Variants in MTR observed in about 807,000 individuals in gnomAD.
MTR encodes 5-methyltetrahydrofolate-homocysteine methyltransferase.
A neutral mutation model predicts 154.8 loss-of-function variants in MTR; 84 were observed. The observed-to-expected ratio is 0.54, with a 90% CI of 0.45 to 0.65. The LOEUF (loss-of-function observed/expected upper bound fraction) is 0.65. MTR is among the 30% of genes least tolerant of loss of function. The probability of loss-of-function intolerance (pLI) is 0.00; values close to 1 mark genes in which losing one functional copy is unlikely to be tolerated. For missense variants in MTR, 1,275 were observed against 1,570.2 expected, an observed-to-expected ratio of 0.81 and a Z score of 3.18; for synonymous variants, 554 against 553.9, an observed-to-expected ratio of 1.00 and a Z score of 0.00.
chr1:236,848,616 A>G (rs529607024), intron 15 of MTR, among the ~76,000 whole-genome samples: 1 of 152,126 alleles, frequency 6.6e-6, no homozygotes, highest in Non-Finnish European at 1.5e-5. Flanking sequence ...AGAAAATTCC[A>G]TTAAGGAAGA....
Position 236,885,214 on chromosome 1 carries a change from C to T in MTR, c.2770C>T (p.Leu924Phe), listed in dbSNP as rs774131379. The T allele has an allele frequency of 6.4e-7, 1 of 1,572,852 alleles. No homozygotes were observed. The highest frequency in any genetic ancestry group is 8.7e-7 in the Non-Finnish European group (1 of 1,142,868). The change falls in exon 26 of 33, where the codon CTC becomes TTC. Residue 924 changes from leucine (L) to phenylalanine (F), a missense_variant. Coordinates refer to ENST00000366577, the MANE Select transcript of MTR (RefSeq NM_000254.3). ...EDIRQDHYESLKERRYLPLSQ... is the reference protein window; with the variant it reads ...EDIRQDHYESFKERRYLPLSQ... Reference sequence around the variant, plus strand: ...TATTAGACAGGACCATTATGAGTCTCTCAAGGTAAGTGGTAGAAACAGATT... The same window carrying T: ...TATTAGACAGGACCATTATGAGTCTTTCAAGGTAAGTGGTAGAAACAGATT...
intron 11 of MTR, among the ~76,000 whole-genome samples, chr1:236,827,456 T>A (rs1183125830): frequency 2.0e-5 from 3 of 152,162 alleles, no homozygotes; most frequent in Non-Finnish European, 4.4e-5. Flanking sequence ...TCTTATTTCA[T>A]CTATCCCTCA....
chr1:236,856,623 C>T, intron 18 of MTR, among the ~76,000 whole-genome samples: 1 of 151,800 alleles, frequency 6.6e-6, no homozygotes, highest in Admixed American at 6.6e-5. Flanking sequence ...TGGTGGTTTG[C>T]TGCACCATCA....
Position 236,832,055 on chromosome 1 carries a change from C to T in MTR, c.1165C>T (p.Leu389Phe). Residue 389 changes from leucine to phenylalanine, a missense_variant, in exon 13 of 33, where the codon CTC becomes TTC. Leu to Phe is a conservative substitution (Grantham distance 22, BLOSUM62 0). Transcript: ENST00000366577. ...TGCAGGATCAAGGAAGTTTGCTAAA[C>T]TCATCATGGCAGGAAACTATGAAGT... ...NVAGSRKFAKLIMAGNYEEAL... is the reference protein window; with the variant it reads ...NVAGSRKFAKFIMAGNYEEAL... 2 of 1,613,900 alleles carry T rather than the reference C, an allele frequency of 1.2e-6. No individual in the cohort carries two copies. The highest frequency in any genetic ancestry group is 1.7e-6 in the Non-Finnish European group (2 of 1,179,780).
intron 27 of MTR, 112 bp downstream of exon 27, chr1:236,886,479 A>G (rs1666017427): frequency 1.1e-6 from 1 of 923,874 alleles, no homozygotes; most frequent in Non-Finnish European, 1.7e-6. Context: ...ACGACTCTCA[A>G]CTGTGTCTAA....
chr1:236,861,306 C>G, intron 20 of MTR, 29 bp downstream of exon 20: 1 of 1,613,510 alleles, frequency 6.2e-7, no homozygotes, highest in Non-Finnish European at 8.5e-7. Flanking sequence ...GAAATTTTCA[C>G]AGTTGCATCT....
intron 12 of MTR, among the ~76,000 whole-genome samples, chr1:236,830,853 GCCTGGA>G (rs1662571640): frequency 1.3e-5 from 2 of 152,130 alleles, no homozygotes; most frequent in African/African-American, 2.4e-5. Context: ...GCACCAAGGG[GCCTGGA>G]ATGCTTTTGT....
At chr1:236,842,639 A>G (rs114845908) in intron 15 of MTR, among the ~76,000 whole-genome samples, 1,829 of 152,082 alleles carry the variant, frequency 0.012, 37 homozygotes, top group African/African-American at 0.042. Flanking sequence ...AATATCTTCA[A>G]ATATATCCTG....
At chr1:236,856,470 CTTCT>C (rs911362806) in intron 18 of MTR, among the ~76,000 whole-genome samples, 26 of 150,798 alleles carry the variant, frequency 1.7e-4, no homozygotes, top group East Asian at 5.8e-4. Flanking sequence ...TTTCTTCTTT[CTTCT>C]TTCTTTTTTT....
At chr1:236,883,533 C>T (rs1386220629) in intron 25 of MTR, among the ~76,000 whole-genome samples, 1 of 152,210 alleles carries the variant, frequency 6.6e-6, no homozygotes, top group Admixed American at 6.5e-5. Flanking sequence ...TGCAAGAGGG[C>T]TTTAAAACAT....
intron 8 of MTR, 60 bp downstream of exon 8, chr1:236,816,603 G>A: frequency 7.3e-7 from 1 of 1,378,058 alleles, no homozygotes; most frequent in South Asian, 1.2e-5. Flanking sequence ...TCTGATGGCT[G>A]TGGAGTGTGA....
At chr1:236,811,500 G>A (rs1187865205) in intron 5 of MTR, 3 of 428,434 alleles carry the variant, frequency 7.0e-6, no homozygotes, top group Non-Finnish European at 1.4e-5. Context: ...ATGTCTGGTA[G>A]TGCAGTGGGT....
intron 8 of MTR, chr1:236,820,515 T>G: frequency 1.1e-6 from 1 of 924,954 alleles, no homozygotes; most frequent in Non-Finnish European, 1.7e-6. Flanking sequence ...CACTGAATGG[T>G]CTTAAGCTGT....
chr1:236,829,404 A>G, intron 12 of MTR, 136 bp downstream of exon 12: 1 of 805,504 alleles, frequency 1.2e-6, no homozygotes, highest in Admixed American at 1.8e-5. Flanking sequence ...TGGCGCTTAA[A>G]TGAATTCTAG....
At chr1:236,802,348 G>T (rs970167352) in intron 1 of MTR, among the ~76,000 whole-genome samples, 1 of 152,110 alleles carries the variant, frequency 6.6e-6, no homozygotes, top group Non-Finnish European at 1.5e-5. Flanking sequence ...ATTGGGGCCA[G>T]GTGTTTTTGA....
rs1332877404 is a variant in MTR, at chr1:236,862,330, C to A, written c.2291C>A (p.Thr764Lys). 6.2e-7 allele frequency: 1 copy of A among 1,613,454 alleles called. No homozygotes were observed. The highest frequency in any genetic ancestry group is 1.1e-5 in the South Asian group (1 of 91,074). ...EREETRVLNG[T>K]VEEEDPYQGT... The stretch of plus-strand genomic sequence containing the variant: ...GAAGAAACCAGAGTGCTTAACGGCA[C>A]AGTAGAAGAAGAGGCAAGTCATTTT... The change falls in exon 21 of 33, where the codon ACA becomes AAA. Residue 764 changes from threonine (T) to lysine (K), a missense_variant. Coordinates refer to ENST00000366577, the MANE Select transcript of MTR (RefSeq NM_000254.3).
At chr1:236,812,462 C>G (rs1482142549) in intron 5 of MTR, among the ~76,000 whole-genome samples, 1 of 152,164 alleles carries the variant, frequency 6.6e-6, no homozygotes, top group Admixed American at 6.5e-5. Context: ...GGTACATGTT[C>G]AAGAAATTCA....
At chr1:236,870,444 CTG>C (rs1284589218) in intron 22 of MTR, among the ~76,000 whole-genome samples, 1 of 152,202 alleles carries the variant, frequency 6.6e-6, no homozygotes, top group Non-Finnish European at 1.5e-5. Flanking sequence ...GTTTCTCAAA[CTG>C]TAATGTACCT....
rs149257746 is a variant in MTR at position 236,872,772 on chromosome 1, G to C, written c.2406-1001G>C. Among the ~76,000 whole-genome samples the C allele has an allele frequency of 7.1e-3, 1,077 of 152,294 alleles. 11 individuals carry two copies. The highest frequency in any genetic ancestry group is 0.048 in the Middle Eastern group (14 of 294). ...CAAGCCTGTAATCCCAAAGGAAGCC[G>C]AGGTGGGAGGATCACTTGAGCCCAG... On this transcript the variant is annotated intron_variant, in intron 22 of 32. Transcript: ENST00000366577.
Sources: allele counts gnomAD v4.1 joint callset (sites outside exome capture counted in the v4.1 genomes callset), GRCh38; gene constraint gnomAD v4.1.1; transcripts MANE v1.5; gene names NCBI Gene and HGNC (gene_info 2026-07-23, HGNC 2026-07-21).